Variants in WNT3 observed in about 807,000 individuals in gnomAD.
The protein encoded by WNT3 is Wnt family member 3, also known as proto-oncogene Wnt-3.
In WNT3, 7 loss-of-function variants were observed where a neutral mutation model predicts 34.2. The observed-to-expected ratio is 0.20, with a 90% confidence interval of 0.12 to 0.38. The LOEUF is 0.38. Ranked by LOEUF, WNT3 falls within the 10% of genes least tolerant of loss-of-function variation. WNT3 has a pLI of 1.00. For missense variants in WNT3, 267 were observed against 499.8 expected (o/e 0.53, Z 4.44); for synonymous variants, 212 against 211.5 (o/e 1.00, Z -0.02).
chr17:46,801,497 G>A (rs2084124404), intron 1 of WNT3, among the ~76,000 whole-genome samples: 1 of 152,292 alleles, frequency 6.6e-6, no homozygotes, highest in South Asian at 2.1e-4. Flanking sequence ...GCAGGCGCCT[G>A]TAATCCCAGC....
At chr17:46,783,658 A>G (rs990087764) in intron 1 of WNT3, among the ~76,000 whole-genome samples, 2 of 152,160 alleles carry the variant, frequency 1.3e-5, no homozygotes, top group African/African-American at 4.8e-5. Context: ...AGCGATCTCT[A>G]GGAACGGGGG....
chr17:46,771,442 G>T (rs2059368648), intron 2 of WNT3, among the ~76,000 whole-genome samples: 1 of 150,496 alleles, frequency 6.6e-6, no homozygotes, highest in African/African-American at 2.4e-5. Context: ...CTCTCGCGGC[G>T]GCAGCGGCGC....
chr17:46,804,616 G>C (rs947304768), intron 1 of WNT3, among the ~76,000 whole-genome samples: 1 of 152,190 alleles, frequency 6.6e-6, no homozygotes, highest in African/African-American at 2.4e-5. Flanking sequence ...TAAGAGATCA[G>C]AAGAGGAAGA....
chr17:46,784,793 T>G (rs1356028189), intron 1 of WNT3, among the ~76,000 whole-genome samples: 1 of 101,266 alleles, frequency 9.9e-6, no homozygotes, highest in Non-Finnish European at 2.0e-5. Flanking sequence ...TTTTTTTTTT[T>G]GAGATGGAGT....
intron 1 of WNT3, among the ~76,000 whole-genome samples, chr17:46,784,092 G>A (rs922679093): frequency 1.2e-4 from 19 of 152,122 alleles, no homozygotes; most frequent in African/African-American, 4.1e-4. Context: ...GGGTCACCGG[G>A]GTCTGTGGCA....
chr17:46,785,618 G>A (rs1028223858), intron 1 of WNT3, among the ~76,000 whole-genome samples: 1 of 152,224 alleles, frequency 6.6e-6, no homozygotes, highest in Non-Finnish European at 1.5e-5. Flanking sequence ...CCCTTTCAGG[G>A]CCACGAGGGG....
At chr17:46,781,226 C>A in intron 1 of WNT3, among the ~76,000 whole-genome samples, 1 of 58,984 alleles carries the variant, frequency 1.7e-5, no homozygotes, top group East Asian at 1.2e-3. Context: ...ACTCTGTCCC[C>A]CCAACCAAAA....
intron 1 of WNT3, among the ~76,000 whole-genome samples, chr17:46,785,791 G>T (rs1159217184): frequency 6.6e-6 from 1 of 152,136 alleles, no homozygotes; most frequent in Admixed American, 6.5e-5. Context: ...GAGGCTGCGG[G>T]CCCTGTGCTC....
At chr17:46,795,512 T>C (rs2084041739) in intron 1 of WNT3, among the ~76,000 whole-genome samples, 2 of 152,062 alleles carry the variant, frequency 1.3e-5, no homozygotes, top group Non-Finnish European at 2.9e-5. Context: ...TGTCTAACCC[T>C]CTCAGATCCA....
At chr17:46,810,956 C>T (rs1359625558) in intron 1 of WNT3, among the ~76,000 whole-genome samples, 2 of 152,126 alleles carry the variant, frequency 1.3e-5, no homozygotes, top group Non-Finnish European at 2.9e-5. Flanking sequence ...TCTGGCATCT[C>T]CTTCATTCCC....
chr17:46,815,061 A>G (rs2084323333), intron 1 of WNT3, among the ~76,000 whole-genome samples: 1 of 152,262 alleles, frequency 6.6e-6, no homozygotes, highest in Non-Finnish European at 1.5e-5. Context: ...TCAGTCACAC[A>G]GCGGCAGGGT....
chr17:46,799,376 C>A (rs550065686), intron 1 of WNT3, among the ~76,000 whole-genome samples: 20 of 152,146 alleles, frequency 1.3e-4, no homozygotes, highest in Admixed American at 6.6e-4. Context: ...ATTTTTATAA[C>A]CCTGCTACAT....
chr17:46,813,378 T>A (rs1327758880), intron 1 of WNT3, among the ~76,000 whole-genome samples: 1 of 149,304 alleles, frequency 6.7e-6, no homozygotes, highest in Non-Finnish European at 1.5e-5. Context: ...AATTCAGACA[T>A]AGGTCTCTCC....
chr17:46,781,362 G>A (rs199509), intron 1 of WNT3, among the ~76,000 whole-genome samples: 127,370 of 151,540 alleles, frequency 0.84, 53,833 homozygotes, highest in East Asian at 1. Flanking sequence ...ACTTACATGA[G>A]GTTCTAGGTA....
intron 2 of WNT3, among the ~76,000 whole-genome samples, chr17:46,771,122 C>T (rs2059364142): frequency 6.6e-6 from 1 of 152,232 alleles, no homozygotes; most frequent in African/African-American, 2.4e-5. Flanking sequence ...GCTCCCGCGG[C>T]CGCTCTCCGC....
At chr17:46,779,550 G>A (rs138857200) in intron 1 of WNT3, among the ~76,000 whole-genome samples, 3 of 152,206 alleles carry the variant, frequency 2.0e-5, no homozygotes, top group Non-Finnish European at 4.4e-5. Flanking sequence ...GATGGGCTGC[G>A]GGTGCCCTGC....
At chr17:46,777,261 G>T (rs915551716) in intron 1 of WNT3, among the ~76,000 whole-genome samples, 3 of 152,262 alleles carry the variant, frequency 2.0e-5, no homozygotes, top group African/African-American at 7.2e-5. Context: ...GGACCAACTT[G>T]TGCGAGGTCA....
intron 1 of WNT3, among the ~76,000 whole-genome samples, chr17:46,775,773 C>G (rs1171235802): frequency 6.6e-6 from 1 of 151,868 alleles, no homozygotes; most frequent in Non-Finnish European, 1.5e-5. Flanking sequence ...ACCACCACGC[C>G]CGGCTAATTT....
rs1473138750 is a variant in WNT3 at position 46,763,897 on chromosome 17, G to C, written c.*733C>G. ...TGACGGTGGAAACTGCAGAATGGTAGAAAAAGATTTTGAGATCTGACTGCC... is the reference window on the plus strand; with the variant it reads ...TGACGGTGGAAACTGCAGAATGGTACAAAAAGATTTTGAGATCTGACTGCC... On this transcript the variant is annotated 3_prime_UTR_variant, in exon 5 of 5. Coordinates refer to ENST00000225512, the MANE Select transcript of WNT3 (RefSeq NM_030753.5). 1 of 149,690 alleles carries C rather than the reference G, an allele frequency of 6.7e-6. No homozygotes were observed. Among genetic ancestry groups the C allele is most frequent in the Non-Finnish European group, 1.5e-5 (1 of 67,392 alleles). The allele number at this position is 149,690 out of a possible 1,614,324, so 9.3% of individuals were successfully genotyped here. A position where few individuals can be genotyped will look rare whatever the true frequency, so the allele number is the denominator to read the frequency against.
Sources: allele counts gnomAD v4.1 joint callset (sites outside exome capture counted in the v4.1 genomes callset), GRCh38; gene constraint gnomAD v4.1.1; transcripts MANE v1.5; gene names NCBI Gene and HGNC (gene_info 2026-07-23, HGNC 2026-07-21).